The following DPP8 variants were observed in gnomAD, a reference collection of about 807,000 sequenced individuals.
DPP8 encodes the protein dipeptidyl peptidase 8.
A neutral mutation model predicts 107.5 loss-of-function variants in DPP8; 31 were observed. The ratio of observed to expected loss-of-function variants is 0.29; its 90% CI spans 0.22 to 0.39. The LOEUF (loss-of-function observed/expected upper bound fraction) is 0.39. Ranked by LOEUF, DPP8 falls within the 10% of genes least tolerant of loss-of-function variation. DPP8 has a pLI of 1.00. For missense variants in DPP8, 842 were observed against 1,076.1 expected (o/e 0.78, Z 3.04); for synonymous variants, 381 against 356.6 (o/e 1.07, Z -0.77).
chr15:65,469,284 C>T (rs1355924413), intron 12 of DPP8, among the ~76,000 whole-genome samples: 3 of 151,626 alleles, frequency 2.0e-5, no homozygotes, highest in African/African-American at 2.4e-5. Flanking sequence ...CAAGAATGTA[C>T]ACTTCTAACA....
At chr15:65,480,140 C>A in intron 10 of DPP8, 82 bp downstream of exon 10, 1 of 1,245,976 alleles carries the variant, frequency 8.0e-7, no homozygotes, top group Non-Finnish European at 1.1e-6. Context: ...AAAAAAAATG[C>A]ATTTTGATAG....
intron 6 of DPP8, 45 bp from the exon 7 acceptor site, chr15:65,487,863 G>A: frequency 7.3e-7 from 1 of 1,361,708 alleles, no homozygotes; most frequent in Non-Finnish European, 1.0e-6. Flanking sequence ...AATTATTCCA[G>A]AGAGTAGTCA....
intron 4 of DPP8, among the ~76,000 whole-genome samples, chr15:65,499,831 G>C (rs2069012925): frequency 6.6e-6 from 1 of 152,150 alleles, no homozygotes; most frequent in Non-Finnish European, 1.5e-5. Flanking sequence ...CTCCCAAAGT[G>C]CTGGAATTAT....
At chr15:65,497,635 CTTTT>C (rs1183529759) in intron 5 of DPP8, among the ~76,000 whole-genome samples, 1 of 152,118 alleles carries the variant, frequency 6.6e-6, no homozygotes, top group Non-Finnish European at 1.5e-5. Context: ...GTCAGAGGTT[CTTTT>C]GTTTCACTGT....
Position 65,480,384 on chromosome 15 carries a change from T to C in DPP8, c.1134A>G (p.Leu378=), listed in dbSNP as rs764734342. 8 of 1,611,034 alleles carry C rather than the reference T, an allele frequency of 5.0e-6. No homozygotes were observed. In the Admixed American group the frequency reaches 1.2e-4, roughly 24 times the overall value. Residue 378 remains leucine (L), a synonymous_variant, in exon 10 of 20, where the codon CTA becomes CTG. Transcript: ENST00000300141. ...GTAGGCGAGTCTGGGAGCGATCTAG[T>C]AGGATGGACCAAGCACTATTTAAAT... The part of the protein sequence containing the change: ...TPEGKYAWSI[L]LDRSQTRLQI...
Sources: allele counts gnomAD v4.1 joint callset (sites outside exome capture counted in the v4.1 genomes callset), GRCh38; gene constraint gnomAD v4.1.1; transcripts MANE v1.5; gene names NCBI Gene and HGNC (gene_info 2026-07-23, HGNC 2026-07-21).